The following NR4A1 variants were observed in gnomAD, a reference collection of about 807,000 sequenced individuals.
NR4A1 encodes the protein nuclear receptor subfamily 4immunitygroup A member 1.
A neutral mutation model predicts 47.5 loss-of-function variants in NR4A1; 24 were observed. The ratio of observed to expected loss-of-function variants is 0.50; its 90% CI spans 0.37 to 0.71. The LOEUF (loss-of-function observed/expected upper bound fraction) is 0.71. NR4A1 is among the 30% of genes least tolerant of loss of function. NR4A1 has a pLI of 0.00. For missense variants in NR4A1, 669 were observed against 788.6 expected (o/e 0.85, Z 1.82); for synonymous variants, 353 against 345.7 (o/e 1.02, Z -0.24).
chr12:52,032,553 G>C (rs1178673613), intron 1 of NR4A1, among the ~76,000 whole-genome samples: 1 of 152,196 alleles, frequency 6.6e-6, no homozygotes, highest in African/African-American at 2.4e-5. Context: ...CTGCTTATGT[G>C]CAAGATTGTT....
At chr12:52,039,380 G>A (rs1316234516) in intron 1 of NR4A1, among the ~76,000 whole-genome samples, 1 of 152,224 alleles carries the variant, frequency 6.6e-6, no homozygotes, top group Non-Finnish European at 1.5e-5. Context: ...ATTAAGAAAA[G>A]ACTAAAATAC....
chr12:52,037,861 C>A, intron 1 of NR4A1: 2 of 982,310 alleles, frequency 2.0e-6, no homozygotes, highest in Non-Finnish European at 1.2e-6. Flanking sequence ...TGGAGTCAGG[C>A]GGAGCTGGGG....
upstream of NR4A1, chr12:52,051,290 C>A: frequency 2.2e-6 from 1 of 460,794 alleles, no homozygotes; most frequent in Non-Finnish European, 2.9e-6. Flanking sequence ...GCTCCCCGGG[C>A]CGCACCTCCC....
Position 52,054,434 on chromosome 12 carries a change from G to C in NR4A1, c.106G>C (p.Asp36His), listed in dbSNP as rs1298798017. Residue 36 changes from aspartate (D) to histidine (H), a missense_variant, in exon 2 of 7, where the codon GAC becomes CAC. Transcript: ENST00000394825. ...LTPEFIKPTMDLASPEAAPAA... is the reference protein window; with the variant it reads ...LTPEFIKPTMHLASPEAAPAA... ...CCCTGAGTTCATCAAGCCCACCATG[G>C]ACCTGGCCAGCCCCGAGGCAGCCCC... 6.2e-7 allele frequency: 1 copy of C among 1,613,490 alleles called. No individual in the cohort carries two copies. Among genetic ancestry groups the C allele is most frequent in the African/African-American group, 1.3e-5 (1 of 74,844 alleles).
intron 2 of NR4A1, among the ~76,000 whole-genome samples, chr12:52,044,463 G>T (rs535070134): frequency 6.6e-6 from 1 of 152,126 alleles, no homozygotes; most frequent in African/African-American, 2.4e-5. Flanking sequence ...AACACGCTCC[G>T]GGACCTGGGC....
chr12:52,043,712 G>C (rs1457667259), intron 2 of NR4A1: 4 of 1,267,328 alleles, frequency 3.2e-6, no homozygotes, highest in African/African-American at 3.1e-5. Context: ...ACGCCGGCTT[G>C]GAGGCAGCAC....
At chr12:52,048,839 T>C (rs1371973079), upstream of NR4A1, among the ~76,000 whole-genome samples, 2 of 152,134 alleles carry the variant, frequency 1.3e-5, no homozygotes, top group African/African-American at 4.8e-5. Context: ...TTTTTTAAGC[T>C]GTGGAGTCAT....
rs1939340053 is a variant in NR4A1 at position 52,057,536 on chromosome 12, T to C, written c.1540+6T>C. The C allele has an allele frequency of 1.2e-6, 2 of 1,613,612 alleles. No individual in the cohort carries two copies. Among genetic ancestry groups the C allele is most frequent in the African/African-American group, 1.3e-5 (1 of 75,014 alleles). ...TGCCCTTGTCCTCATCACCGGTGAGTGACCAGCACCACACCAGGTCCAAGG... is the reference window on the plus strand; with the variant it reads ...TGCCCTTGTCCTCATCACCGGTGAGCGACCAGCACCACACCAGGTCCAAGG... On this transcript the variant is annotated splice_donor_region_variant and intron_variant, in intron 6 of 6. Transcript: ENST00000394825.
intron 2 of NR4A1, among the ~76,000 whole-genome samples, chr12:52,044,823 T>C (rs1338458472): frequency 6.6e-6 from 1 of 152,130 alleles, no homozygotes; most frequent in African/African-American, 2.4e-5. Context: ...CTGAAGAGAC[T>C]GAGAGGGAAA....
chr12:52,056,876 T>C (rs994883015), intron 4 of NR4A1, 181 bp from the exon 5 acceptor site: 16 of 802,768 alleles, frequency 2.0e-5, no homozygotes, highest in Middle Eastern at 7.4e-4. Context: ...TAGAAAAATA[T>C]GTCCTTTTGG....
At chr12:52,056,438 C>T in intron 3 of NR4A1, 56 bp from the exon 4 acceptor site, 1 of 1,589,558 alleles carries the variant, frequency 6.3e-7, no homozygotes, top group Admixed American at 1.9e-5. Context: ...ACGGCTTGGG[C>T]TGAGAGGCCC....
Position 52,057,142 on chromosome 12 carries a change from A to G in NR4A1, c.1244A>G (p.Glu415Gly). The G allele has an allele frequency of 6.2e-7, 1 of 1,613,956 alleles. No homozygotes were observed. Among genetic ancestry groups the G allele is most frequent in the Non-Finnish European group, 8.5e-7 (1 of 1,179,950 alleles). ...TACGACCTGCTCTCCGGTTCTCTGG[A>G]GGTCATCCGCAAGTGGGCGGAGAAG... ...QFYDLLSGSL[E>G]VIRKWAEKIP... The change falls in exon 5 of 7, where the codon GAG becomes GGG. Residue 415 changes from glutamate (E) to glycine (G), a missense_variant. By Grantham distance (98) the Glu-to-Gly change is moderately conservative. Transcript: ENST00000394825.
intron 1 of NR4A1, among the ~76,000 whole-genome samples, chr12:52,031,875 C>G (rs1002782846): frequency 6.7e-6 from 1 of 150,126 alleles, no homozygotes; most frequent in South Asian, 2.1e-4. Flanking sequence ...CGGCTCACTG[C>G]AATTTCCGTC....
At position 52,038,533 on chromosome 12, in the gene NR4A1, G is replaced by A. The variant is rs932145520; in HGVS notation, c.-83-3277G>A. 1.4e-5 allele frequency: 8 copies of A among 590,178 alleles called. No homozygotes were observed. The East Asian group carries it at 1.5e-4, about 11-fold the overall frequency. The allele number at this position is 590,178 out of a possible 1,614,324, so 36.6% of individuals were successfully genotyped here. A position where few individuals can be genotyped will look rare whatever the true frequency, so the allele number is the denominator to read the frequency against. On this transcript the variant is annotated intron_variant, in intron 1 of 7. Transcript: ENST00000360284. Reference sequence around the variant, plus strand: ...AGGTTGGTAGGTTCACAACAGTTATGCCCACTGGGTGCTGATGGATTTGGG... The same window carrying A: ...AGGTTGGTAGGTTCACAACAGTTATACCCACTGGGTGCTGATGGATTTGGG...
rs753701457 is a variant in NR4A1, at chr12:52,057,038, C to T, written c.1159-19C>T. 1.9e-6 allele frequency: 3 copies of T among 1,572,310 alleles called. No individual in the cohort carries two copies. The South Asian group carries it at 3.5e-5, about 18-fold the overall frequency. On this transcript the variant is annotated intron_variant, in intron 4 of 6. Coordinates refer to ENST00000394825, the MANE Select transcript of NR4A1 (RefSeq NM_173157.3). ...AGGAGCCTGCCTGGGGTGCTGACCC[C>T]ACTGGACCGTCTTCCTAGTTCCAGG...
intron 1 of NR4A1, among the ~76,000 whole-genome samples, chr12:52,034,053 A>G (rs1361254905): frequency 1.3e-5 from 2 of 152,170 alleles, no homozygotes; most frequent in African/African-American, 4.8e-5. Context: ...AGTCTGGCTT[A>G]TGGTCCTGGG....
At chr12:52,028,193 C>T (rs1203833196) in intron 1 of NR4A1, among the ~76,000 whole-genome samples, 1 of 103,974 alleles carries the variant, frequency 9.6e-6, no homozygotes, top group Admixed American at 1.4e-4. Flanking sequence ...CAAAGTGAGA[C>T]CCTGTCTCCA....
chr12:52,038,838 C>G (rs753419939), intron 1 of NR4A1: 14 of 718,586 alleles, frequency 1.9e-5, no homozygotes, highest in Non-Finnish European at 3.3e-5. Context: ...TTAAGAAAGT[C>G]AGCTGAGGAG....
At chr12:52,023,765 C>T (rs1268822570) in intron 1 of NR4A1, among the ~76,000 whole-genome samples, 1 of 152,168 alleles carries the variant, frequency 6.6e-6, no homozygotes, top group Admixed American at 6.5e-5. Context: ...CCTCGAACCC[C>T]AGCCTGCCGA....
Sources: gnomAD v4.1 joint callset for allele counts (sites outside exome capture counted in the v4.1 genomes callset) on GRCh38, gnomAD v4.1.1 for gene constraint, MANE v1.5 for transcripts, NCBI Gene and HGNC (gene_info 2026-07-23, HGNC 2026-07-21) for gene names.